The following ADAMTS17 variants were observed in gnomAD, a reference collection of about 807,000 sequenced individuals.
ADAMTS17 encodes ADAM metallopeptidase with thrombospondin type 1 motif 17, also known as A disintegrin and metalloproteinase with thrombospondin motifs 17.
In ADAMTS17, 113 loss-of-function variants were observed where a neutral mutation model predicts 141.5. The observed-to-expected ratio is 0.80, with a 90% CI of 0.69 to 0.93. The LOEUF is 0.93. Among genes scored for constraint, ADAMTS17 ranks in the 40% least tolerant of loss-of-function variants. The pLI is 0.00. For missense variants in ADAMTS17, 1,659 were observed against 1,517.9 expected, an observed-to-expected ratio of 1.09 and a Z score of -1.54; for synonymous variants, 768 against 630.6, an observed-to-expected ratio of 1.22 and a Z score of -3.27.
rs181574553 is a variant in ADAMTS17, at chr15:100,310,101, C to T, written c.616+20788G>A. Among the ~76,000 whole-genome samples, 5 of 152,286 alleles carry T rather than the reference C, an allele frequency of 3.3e-5. No individual in the cohort carries two copies. The East Asian group carries it at 7.7e-4, about 24-fold the overall frequency. On this transcript the variant is annotated intron_variant, in intron 3 of 21. Transcript: ENST00000268070. ...GCAGGCAGCTTTTCAAACTCAGAGGCGAGCCAAGCAGGCCCGTGACAGAAA... is the reference window on the plus strand; with the variant it reads ...GCAGGCAGCTTTTCAAACTCAGAGGTGAGCCAAGCAGGCCCGTGACAGAAA...
chr15:100,009,408 T>C (rs2061112475), intron 18 of ADAMTS17, among the ~76,000 whole-genome samples: 1 of 152,188 alleles, frequency 6.6e-6, no homozygotes, highest in Non-Finnish European at 1.5e-5. Flanking sequence ...GGTGCCCACA[T>C]ACTGAAGTCA....
intron 7 of ADAMTS17, among the ~76,000 whole-genome samples, chr15:100,214,972 A>G (rs1279262972): frequency 2.0e-5 from 3 of 152,218 alleles, no homozygotes; most frequent in African/African-American, 4.8e-5. Flanking sequence ...ATTCTGCTCT[A>G]TTGTCCCATA....
intron 15 of ADAMTS17, among the ~76,000 whole-genome samples, chr15:100,062,625 T>A (rs947731969): frequency 1.3e-5 from 2 of 152,230 alleles, no homozygotes; most frequent in South Asian, 4.1e-4. Context: ...GATGTCATTT[T>A]AAAAAATCAG....
At chr15:100,229,366 A>G (rs1239158909) in intron 7 of ADAMTS17, among the ~76,000 whole-genome samples, 1 of 151,928 alleles carries the variant, frequency 6.6e-6, no homozygotes, top group East Asian at 1.9e-4. Context: ...TCTGACGTGA[A>G]ACATGAGTGT....
chr15:100,080,418 G>A (rs1298573405), intron 15 of ADAMTS17, among the ~76,000 whole-genome samples: 2 of 149,848 alleles, frequency 1.3e-5, no homozygotes, highest in Non-Finnish European at 2.9e-5. Flanking sequence ...GAATACAGGA[G>A]ATCCATTAGG....
At chr15:100,273,568 T>C (rs1410553399) in intron 4 of ADAMTS17, among the ~76,000 whole-genome samples, 2 of 152,174 alleles carry the variant, frequency 1.3e-5, no homozygotes, top group Non-Finnish European at 2.9e-5. Flanking sequence ...GTGTTATTAG[T>C]AATTTGAGGC....
intron 10 of ADAMTS17, among the ~76,000 whole-genome samples, chr15:100,143,118 C>T (rs1036648970): frequency 6.6e-6 from 1 of 152,104 alleles, no homozygotes; most frequent in Non-Finnish European, 1.5e-5. Flanking sequence ...CCTCCAGGAC[C>T]AGGGTGGTGG....
intron 18 of ADAMTS17, among the ~76,000 whole-genome samples, chr15:100,015,376 T>C (rs1040719959): frequency 4.6e-5 from 7 of 152,210 alleles, no homozygotes; most frequent in African/African-American, 1.7e-4. Context: ...TACCGTTGCA[T>C]TTGTCATGCT....
intron 7 of ADAMTS17, among the ~76,000 whole-genome samples, chr15:100,232,864 G>A (rs1050041934): frequency 6.6e-6 from 1 of 152,182 alleles, no homozygotes; most frequent in African/African-American, 2.4e-5. Context: ...ACTGCAGCAG[G>A]TCTCACAGGC....
chr15:100,041,592 T>C (rs1012857214), intron 18 of ADAMTS17, among the ~76,000 whole-genome samples: 1 of 152,210 alleles, frequency 6.6e-6, no homozygotes, highest in Non-Finnish European at 1.5e-5. Flanking sequence ...CTGCTGGCCA[T>C]GGCCATAACA....
At chr15:100,198,041 G>T (rs1050381738) in intron 8 of ADAMTS17, among the ~76,000 whole-genome samples, 2 of 152,182 alleles carry the variant, frequency 1.3e-5, no homozygotes, top group African/African-American at 4.8e-5. Flanking sequence ...AGGACTAGGG[G>T]AAGGACAGCA....
chr15:100,046,707 A>G (rs1195897436), intron 18 of ADAMTS17, among the ~76,000 whole-genome samples: 3 of 152,200 alleles, frequency 2.0e-5, no homozygotes, highest in East Asian at 1.9e-4. Context: ...CACTTCCCCA[A>G]TCAATACCCT....
chr15:100,107,908 AG>A lies in ADAMTS17; in HGVS notation c.2016+1080del, dbSNP rs536137881. 5.2e-3 allele frequency among the ~76,000 whole-genome samples: 795 copies of A among 152,252 alleles called. 3 individuals carry two copies. Among genetic ancestry groups the A allele is most frequent in the Middle Eastern group, 0.014 (4 of 294 alleles). On this transcript the variant is annotated intron_variant, in intron 14 of 21. Coordinates refer to ENST00000268070, the MANE Select transcript of ADAMTS17 (RefSeq NM_139057.4). ...GCTGGGGCTCTCTCACAACATGCCCAGCTTGACCCGAGTCACCAGGGAGTAT... is the reference window on the plus strand; with the variant it reads ...GCTGGGGCTCTCTCACAACATGCCCACTTGACCCGAGTCACCAGGGAGTAT...
In ADAMTS17 at chr15:100,181,089, C is replaced by A. The variant is rs552395958; in HGVS notation, c.1181+18229G>T. On this transcript the variant is annotated intron_variant, in intron 8 of 21. Transcript: ENST00000268070. ...AGGCAGAGGAGCCTCTTCCTGTGGC[C>A]ACCGCCACCACACAAGGCCCATGGG... 1.1e-4 allele frequency among the ~76,000 whole-genome samples: 17 copies of A among 152,316 alleles called. No homozygotes were observed. The South Asian group carries it at 1.2e-3, about 11-fold the overall frequency.
intron 18 of ADAMTS17, among the ~76,000 whole-genome samples, chr15:100,031,502 AG>A (rs1274145067): frequency 6.6e-6 from 1 of 152,182 alleles, no homozygotes; most frequent in South Asian, 2.1e-4. Flanking sequence ...CTACCTAGAG[AG>A]GGTGAATGAT....
rs191601675 is a variant in ADAMTS17, at chr15:100,313,033, C to T, written c.616+17856G>A. 7.6e-4 allele frequency among the ~76,000 whole-genome samples: 115 copies of T among 152,250 alleles called. 1 individual carries two copies. Among genetic ancestry groups the T allele is most frequent in the African/African-American group, 2.6e-3 (109 of 41,538 alleles). The stretch of plus-strand genomic sequence containing the variant: ...GGAAGAAAGGGAGAAAGTTATGAAG[C>T]AACTATAGTCACAAAAAAGCATTAA... On this transcript the variant is annotated intron_variant, in intron 3 of 21. Transcript: ENST00000268070.
intron 18 of ADAMTS17, among the ~76,000 whole-genome samples, chr15:100,020,051 C>G (rs886641143): frequency 6.6e-6 from 1 of 152,066 alleles, no homozygotes; most frequent in African/African-American, 2.4e-5. Context: ...CCCAGGACAG[C>G]AGCCGGAATC....
intron 11 of ADAMTS17, 47 bp from the exon 12 acceptor site, chr15:100,132,199 G>A: frequency 2.5e-6 from 4 of 1,596,442 alleles, no homozygotes; most frequent in Non-Finnish European, 2.6e-6. Flanking sequence ...CAGCAGAGCT[G>A]CTCACTCCAG....
intron 7 of ADAMTS17, among the ~76,000 whole-genome samples, chr15:100,202,247 G>A (rs1181349028): frequency 6.6e-6 from 1 of 152,196 alleles, no homozygotes; most frequent in Non-Finnish European, 1.5e-5. Flanking sequence ...CAATGCTAGT[G>A]GAACAGTGAA....
Sources: allele counts gnomAD v4.1 joint callset (sites outside exome capture counted in the v4.1 genomes callset), GRCh38; gene constraint gnomAD v4.1.1; transcripts MANE v1.5; gene names NCBI Gene and HGNC (gene_info 2026-07-23, HGNC 2026-07-21).